Variants in NRXN3 observed in about 807,000 individuals in gnomAD.
The protein encoded by NRXN3 is neurexin 3, also known as neurexin III.
Under a neutral mutation model 137.6 loss-of-function variants are expected in NRXN3, and 32 were observed. That is an observed-to-expected ratio of 0.23 (90% CI 0.18 to 0.31). NRXN3 has a LOEUF of 0.31. NRXN3 is among the 10% of genes least tolerant of loss of function. NRXN3 has a pLI of 1.00. For missense variants in NRXN3, 1,574 were observed against 2,062.5 expected, an observed-to-expected ratio of 0.76 and a Z score of 4.59; for synonymous variants, 798 against 784.5, an observed-to-expected ratio of 1.02 and a Z score of -0.29.
At chr14:79,699,115 C>T (rs2098745491) in intron 19 of NRXN3, among the ~76,000 whole-genome samples, 1 of 151,888 alleles carries the variant, frequency 6.6e-6, no homozygotes, top group Non-Finnish European at 1.5e-5. Flanking sequence ...TTTCAAAAGG[C>T]TTCTAAAAAC....
At position 79,867,563 on chromosome 14, in the gene NRXN3, C is replaced by T. The variant is rs1030187769; in HGVS notation, c.*5599C>T. The stretch of plus-strand genomic sequence containing the variant: ...GCCCTGCCATTATGACTTTGTTTGA[C>T]CTTAATTACTTCCTAAAGACACTAC... On this transcript the variant is annotated 3_prime_UTR_variant, in exon 21 of 21. Coordinates refer to ENST00000335750, the MANE Select transcript of NRXN3 (RefSeq NM_001330195.2). 6.6e-6 allele frequency: 1 copy of T among 152,142 alleles called. No individual in the cohort carries two copies. The highest frequency in any genetic ancestry group is 6.5e-5 in the Admixed American group (1 of 15,268). The allele number at this position is 152,142 out of a possible 1,614,324, so 9.4% of individuals were successfully genotyped here. A position where few individuals can be genotyped will look rare whatever the true frequency, so the allele number is the denominator to read the frequency against.
intron 16 of NRXN3, among the ~76,000 whole-genome samples, chr14:79,512,546 T>G (rs2153691583): frequency 6.6e-6 from 1 of 152,340 alleles, no homozygotes; most frequent in Non-Finnish European, 1.5e-5. Flanking sequence ...ATTCAAAACA[T>G]AATAAAATTG....
chr14:78,647,835 TC>T (rs1402715336), intron 5 of NRXN3, among the ~76,000 whole-genome samples: 6 of 152,240 alleles, frequency 3.9e-5, no homozygotes, highest in Non-Finnish European at 7.3e-5. Flanking sequence ...CTATTTGAGT[TC>T]CCTGGGATAC....
intron 20 of NRXN3, among the ~76,000 whole-genome samples, chr14:79,819,708 C>T (rs1238837933): frequency 1.3e-5 from 2 of 151,986 alleles, no homozygotes; most frequent in East Asian, 3.9e-4. Context: ...TGGTCTCGAA[C>T]TCCTGACCTC....
chr14:79,154,386 A>G (rs2060066557), intron 15 of NRXN3, among the ~76,000 whole-genome samples: 1 of 151,994 alleles, frequency 6.6e-6, no homozygotes, highest in African/African-American at 2.4e-5. Flanking sequence ...TTCACTGACT[A>G]CAAGAAAGAG....
Position 78,362,477 on chromosome 14 carries a change from A to T in NRXN3, c.757+64617A>T, listed in dbSNP as rs555426633. Among the ~76,000 whole-genome samples the T allele has an allele frequency of 2.9e-4, 44 of 152,324 alleles. 2 individuals carry two copies. The South Asian group carries it at 8.1e-3, about 28-fold the overall frequency. On this transcript the variant is annotated intron_variant, in intron 4 of 20. Transcript: ENST00000335750. ...ATTAATGCCTCTCCTTTTTACAAGA[A>T]GGAGTTACATCATCTTTTTCCAAAG...
chr14:79,668,768 CT>C (rs1219913779), intron 17 of NRXN3, among the ~76,000 whole-genome samples: 6 of 152,006 alleles, frequency 3.9e-5, no homozygotes, highest in African/African-American at 1.2e-4. Context: ...CTTTTACCCC[CT>C]GGATGCCACT....
At position 79,196,505 on chromosome 14, in the gene NRXN3, C is replaced by G. The variant is rs144141404; in HGVS notation, c.3262+208364C>G. 2.2e-3 allele frequency among the ~76,000 whole-genome samples: 340 copies of G among 152,276 alleles called. 3 individuals carry two copies. Among genetic ancestry groups the G allele is most frequent in the Middle Eastern group, 0.017 (5 of 294 alleles). On this transcript the variant is annotated intron_variant, in intron 15 of 20. Coordinates refer to ENST00000335750, the MANE Select transcript of NRXN3 (RefSeq NM_001330195.2). The stretch of plus-strand genomic sequence containing the variant: ...GAACAGAGCCCTCATGACCTAATCA[C>G]CTTTTAAAGGTCCCATTGTTCAACA...
intron 3 of NRXN3, among the ~76,000 whole-genome samples, chr14:78,293,815 C>A (rs1215879689): frequency 1.3e-5 from 2 of 152,206 alleles, no homozygotes; most frequent in Non-Finnish European, 2.9e-5. Flanking sequence ...TCATCTTTCC[C>A]TTTTTCCTTA....
At chr14:79,308,593 G>A (rs2086549238) in intron 15 of NRXN3, among the ~76,000 whole-genome samples, 3 of 152,092 alleles carry the variant, frequency 2.0e-5, no homozygotes, top group Admixed American at 2.0e-4. Flanking sequence ...TACTTTGAGG[G>A]AGGGGTCTGT....
intron 16 of NRXN3, among the ~76,000 whole-genome samples, chr14:79,582,813 C>T (rs2097729539): frequency 2.0e-5 from 3 of 152,148 alleles, no homozygotes; most frequent in Non-Finnish European, 4.4e-5. Context: ...TTATGTATAA[C>T]ACAGATGAGT....
chr14:78,930,791 G>C (rs1297776572), intron 10 of NRXN3, among the ~76,000 whole-genome samples: 1 of 152,184 alleles, frequency 6.6e-6, no homozygotes, highest in Non-Finnish European at 1.5e-5. Flanking sequence ...AGTGGTGACA[G>C]GTGGAAAGGT....
chr14:79,427,064 T>A (rs1420590957), intron 15 of NRXN3, among the ~76,000 whole-genome samples: 1 of 152,182 alleles, frequency 6.6e-6, no homozygotes, highest in East Asian at 1.9e-4. Context: ...GTAAGAGATT[T>A]AACAGAAATG....
At chr14:78,535,139 GAAA>G (rs36069023) in intron 4 of NRXN3, among the ~76,000 whole-genome samples, 3 of 132,152 alleles carry the variant, frequency 2.3e-5, no homozygotes, top group African/African-American at 8.3e-5. Flanking sequence ...TCTTTTAATT[GAAA>G]AAAAAAAAAA....
At chr14:79,620,147 C>A (rs1041101982) in intron 16 of NRXN3, among the ~76,000 whole-genome samples, 1 of 151,814 alleles carries the variant, frequency 6.6e-6, no homozygotes, top group Non-Finnish European at 1.5e-5. Flanking sequence ...ATATGGGGCA[C>A]GATTGAATAA....
At chr14:79,102,024 G>A (rs1431971848) in intron 15 of NRXN3, among the ~76,000 whole-genome samples, 1 of 152,150 alleles carries the variant, frequency 6.6e-6, no homozygotes, top group Non-Finnish European at 1.5e-5. Flanking sequence ...GGCGACATCA[G>A]AAGCTAAGAG....
At chr14:78,414,674 G>A (rs545636452) in intron 4 of NRXN3, among the ~76,000 whole-genome samples, 1 of 152,114 alleles carries the variant, frequency 6.6e-6, no homozygotes, top group African/African-American at 2.4e-5. Context: ...CCATTTGATG[G>A]TCCAGAATAA....
At chr14:79,693,530 G>A (rs1429816060) in intron 18 of NRXN3, among the ~76,000 whole-genome samples, 2 of 151,858 alleles carry the variant, frequency 1.3e-5, no homozygotes, top group Admixed American at 1.3e-4. Flanking sequence ...AACAGGAAAA[G>A]CAAACTAGAT....
chr14:78,355,892 T>G (rs2084230000), intron 4 of NRXN3, among the ~76,000 whole-genome samples: 1 of 152,250 alleles, frequency 6.6e-6, no homozygotes, highest in Admixed American at 6.5e-5. Flanking sequence ...CTCCAGCTGC[T>G]TCCAGCACTA....
Sources: allele counts gnomAD v4.1 joint callset (sites outside exome capture counted in the v4.1 genomes callset), GRCh38; gene constraint gnomAD v4.1.1; transcripts MANE v1.5; gene names NCBI Gene and HGNC (gene_info 2026-07-23, HGNC 2026-07-21).